Variants in AFF1 observed in about 807,000 individuals in gnomAD.
AFF1 encodes ALF transcription elongation factor 1.
Under a neutral mutation model 121.7 loss-of-function variants are expected in AFF1, and 48 were observed. The ratio of observed to expected loss-of-function variants is 0.39; its 90% CI spans 0.31 to 0.50. The LOEUF is 0.50. Ranked by LOEUF, AFF1 falls within the 20% of genes least tolerant of loss-of-function variation. The pLI, the probability that AFF1 is intolerant of heterozygous loss-of-function variation, is 0.76. For missense variants in AFF1, 1,523 were observed against 1,511.7 expected (o/e 1.01, Z -0.12); for synonymous variants, 613 against 563.0 (o/e 1.09, Z -1.26).
chr4:87,040,826 G>A (rs1730062718), intron 2 of AFF1, among the ~76,000 whole-genome samples: 1 of 140,450 alleles, frequency 7.1e-6, no homozygotes, highest in Non-Finnish European at 1.5e-5. Flanking sequence ...ACCCTCCTCA[G>A]CCCCCCAAAG....
intron 2 of AFF1, among the ~76,000 whole-genome samples, chr4:86,988,147 A>T (rs1936275456): frequency 6.6e-6 from 1 of 152,164 alleles, no homozygotes; most frequent in African/African-American, 2.4e-5. Context: ...TAGGATGTTC[A>T]TCACTTAAAA....
At chr4:87,105,212 G>A (rs1218705697) in intron 8 of AFF1, among the ~76,000 whole-genome samples, 3 of 152,196 alleles carry the variant, frequency 2.0e-5, no homozygotes, top group Non-Finnish European at 4.4e-5. Flanking sequence ...TAGAGCTTAT[G>A]GAAGAAAGTA....
At chr4:87,084,947 T>A (rs1723569420) in intron 5 of AFF1, among the ~76,000 whole-genome samples, 2 of 152,240 alleles carry the variant, frequency 1.3e-5, no homozygotes, top group African/African-American at 4.8e-5. Context: ...CTAATACCTA[T>A]GGCCTCATAC....
At chr4:87,062,180 AT>A (rs1193342184) in intron 4 of AFF1, among the ~76,000 whole-genome samples, 2 of 152,210 alleles carry the variant, frequency 1.3e-5, no homozygotes, top group Admixed American at 6.5e-5. Context: ...AGACTGGGTA[AT>A]TTATAAACAA....
intron 2 of AFF1, among the ~76,000 whole-genome samples, chr4:86,990,889 C>T (rs567243167): frequency 7.2e-5 from 11 of 152,314 alleles, no homozygotes; most frequent in East Asian, 3.9e-4. Context: ...CGGTGGCTCA[C>T]GCCTGTAATC....
chr4:86,936,422 G>T (rs1245657943), intron 1 of AFF1: 3 of 152,282 alleles, frequency 2.0e-5, no homozygotes, highest in Middle Eastern at 3.2e-3. Context: ...TCTGAGAGGC[G>T]TGGAGAATTT....
intron 4 of AFF1, among the ~76,000 whole-genome samples, chr4:87,076,141 C>T (rs1342844249): frequency 1.3e-5 from 2 of 152,070 alleles, no homozygotes; most frequent in Non-Finnish European, 2.9e-5. Context: ...TGATGCACTA[C>T]CCCCTTCTTC....
At position 87,134,086 on chromosome 4, in the gene AFF1, G is replaced by C. The variant is rs768461950; in HGVS notation, c.3312-385G>C. ...GAAAGGAAGCTGTGATATATCCAGGGTATCCACAGTGTCTAAAAGAATGCA... is the reference window on the plus strand; with the variant it reads ...GAAAGGAAGCTGTGATATATCCAGGCTATCCACAGTGTCTAAAAGAATGCA... On this transcript the variant is annotated intron_variant, in intron 19 of 20. Coordinates refer to ENST00000395146, the MANE Select transcript of AFF1 (RefSeq NM_001166693.3). Among the ~76,000 whole-genome samples the C allele has an allele frequency of 2.6e-5, 4 of 152,210 alleles. No homozygotes were observed. In the East Asian group the frequency reaches 7.7e-4, roughly 29 times the overall value.
chr4:87,040,564 C>CTT lies in AFF1; in HGVS notation c.39-5588_39-5587dup, dbSNP rs368321249. 2.7e-3 allele frequency among the ~76,000 whole-genome samples: 385 copies of CTT among 142,484 alleles called. 4 individuals are homozygous for CTT. Among genetic ancestry groups the CTT allele is most frequent in the African/African-American group, 6.2e-3 (239 of 38,840 alleles). The allele number at this position is 142,484 out of a possible 152,430, so 93.5% of individuals were successfully genotyped here. ...TTGTGAGCAAGTCAATCCCCTCACC[C>CTT]TTTTTTTTTTTTTTTAATTGAGACA... On this transcript the variant is annotated intron_variant, in intron 2 of 20. Transcript: ENST00000395146.
intron 1 of AFF1, among the ~76,000 whole-genome samples, chr4:86,947,923 G>C (rs1720989730): frequency 6.6e-6 from 1 of 151,804 alleles, no homozygotes; most frequent in Non-Finnish European, 1.5e-5. Context: ...TCTTATGTGA[G>C]AATGACCTGT....
intron 2 of AFF1, among the ~76,000 whole-genome samples, chr4:86,949,185 T>A (rs1371501777): frequency 2.3e-4 from 35 of 149,734 alleles, no homozygotes; most frequent in South Asian, 6.3e-4. Context: ...TATATATTTT[T>A]TTTTTTTGAG....
intron 2 of AFF1, among the ~76,000 whole-genome samples, chr4:87,030,384 C>T (rs1728952912): frequency 6.6e-6 from 1 of 152,194 alleles, no homozygotes; most frequent in African/African-American, 2.4e-5. Flanking sequence ...AGATTTGGCC[C>T]ATGAGCCATA....
chr4:87,137,795 T>A lies in AFF1; in HGVS notation c.*2094T>A. 1 of 232,166 alleles carries A rather than the reference T, an allele frequency of 4.3e-6. No individual in the cohort carries two copies. The highest frequency in any genetic ancestry group is 8.5e-6 in the Non-Finnish European group (1 of 117,334). The allele number at this position is 232,166 out of a possible 1,614,324, so 14.4% of individuals were successfully genotyped here. On this transcript the variant is annotated 3_prime_UTR_variant, in exon 21 of 21. Coordinates refer to ENST00000395146, the MANE Select transcript of AFF1 (RefSeq NM_001166693.3). ...AGATGTTATTTAACATCTTTCTTTT[T>A]TCCTTACTCCCTTAGCCATCCCCTC...
In AFF1 at chr4:87,114,711, C is replaced by A; in HGVS notation, c.1878C>A (p.Thr626=). 1 of 1,613,984 alleles carries A rather than the reference C, an allele frequency of 6.2e-7. No individual in the cohort carries two copies. The highest frequency in any genetic ancestry group is 1.1e-5 in the South Asian group (1 of 91,066). The part of the protein sequence containing the change: ...VKASARAGSR[T]SLQGEREPGL... Reference sequence around the variant, plus strand: ...CCTCTGCCCGGGCAGGTTCACGGACCAGCCTGCAGGGGGAAAGGGAGCCAG... The same window carrying A: ...CCTCTGCCCGGGCAGGTTCACGGACAAGCCTGCAGGGGGAAAGGGAGCCAG... Residue 626 remains threonine, a synonymous_variant, in exon 12 of 21, where the codon ACC becomes ACA. Transcript: ENST00000395146.
chr4:87,064,349 T>G (rs2149661066), intron 4 of AFF1, among the ~76,000 whole-genome samples: 1 of 152,342 alleles, frequency 6.6e-6, no homozygotes, highest in Non-Finnish European at 1.5e-5. Flanking sequence ...TATTGACTGA[T>G]AGAGTAAGAT....
rs1269134700 is a variant in AFF1 at position 86,948,409 on chromosome 4, G to A, written c.-36-89G>A. ...AATTCAAATGAGAACTTGGAATTCTGTCTCCAATAAAGCTTCTTACAGGTC... is the reference window on the plus strand; with the variant it reads ...AATTCAAATGAGAACTTGGAATTCTATCTCCAATAAAGCTTCTTACAGGTC... On this transcript the variant is annotated intron_variant, in intron 1 of 20. Coordinates refer to ENST00000395146, the MANE Select transcript of AFF1 (RefSeq NM_001166693.3). 3.8e-6 allele frequency: 3 copies of A among 794,364 alleles called. No individual in the cohort carries two copies. In the African/African-American group the frequency reaches 5.2e-5, roughly 14 times the overall value. The allele number at this position is 794,364 out of a possible 1,614,324, so 49.2% of individuals were successfully genotyped here.
intron 8 of AFF1, among the ~76,000 whole-genome samples, chr4:87,098,722 A>G (rs1725122142): frequency 1.3e-5 from 2 of 152,242 alleles, no homozygotes; most frequent in Admixed American, 6.5e-5. Context: ...CTTACTTAAA[A>G]TAAGAGACAG....
At chr4:87,068,312 T>C (rs543623657) in intron 4 of AFF1, among the ~76,000 whole-genome samples, 7 of 146,218 alleles carry the variant, frequency 4.8e-5, no homozygotes, top group South Asian at 2.2e-4. Context: ...ACTAATGATA[T>C]GCATTTACAC....
At chr4:87,096,298 CTTTTTTTTT>C (rs10593271) in intron 8 of AFF1, among the ~76,000 whole-genome samples, 3 of 57,056 alleles carry the variant, frequency 5.3e-5, no homozygotes, top group African/African-American at 2.1e-4. Flanking sequence ...TTGTTATTCC[CTTTTTTTTT>C]TTTTTTTTTT....
Sources: gnomAD v4.1 joint callset for allele counts (sites outside exome capture counted in the v4.1 genomes callset) on GRCh38, gnomAD v4.1.1 for gene constraint, MANE v1.5 for transcripts, NCBI Gene and HGNC (gene_info 2026-07-23, HGNC 2026-07-21) for gene names.